The following PGPEP1L variants were observed in gnomAD, a reference collection of about 807,000 sequenced individuals.
PGPEP1L encodes pyroglutamyl-peptidase I like, also known as pyroglutamyl-peptidase 1-like protein.
PGPEP1L carries 7 observed loss-of-function variants against 6.0 expected under a neutral mutation model. The observed-to-expected ratio is 1.17, with a 90% CI of 0.66 to 2.19. PGPEP1L has a LOEUF of 2.19. Ranked by LOEUF, PGPEP1L falls within the 30% of genes most tolerant of loss-of-function variation. The pLI, the probability that PGPEP1L is intolerant of heterozygous loss-of-function variation, is 0.00. For missense variants in PGPEP1L, 209 were observed against 192.5 expected (o/e 1.09, Z -0.51); for synonymous variants, 103 against 83.9 (o/e 1.23, Z -1.24).
intron 2 of PGPEP1L, among the ~76,000 whole-genome samples, chr15:98,978,916 G>T (rs1417852897): frequency 6.6e-6 from 1 of 151,690 alleles, no homozygotes; most frequent in Admixed American, 6.6e-5. Flanking sequence ...TTTTAGTAGA[G>T]ATGGGGTTTT....
chr15:98,999,930 T>TG (rs1338512303), intron 2 of PGPEP1L, among the ~76,000 whole-genome samples: 1 of 152,260 alleles, frequency 6.6e-6, no homozygotes, highest in Non-Finnish European at 1.5e-5. Flanking sequence ...CTCCTGTGCC[T>TG]GGGCTCCCAC....
intron 2 of PGPEP1L, 38 bp from the exon 3 acceptor site, chr15:98,971,196 G>A (rs74852431): frequency 3.6e-6 from 1 of 277,544 alleles, no homozygotes; most frequent in Non-Finnish European, 4.8e-6. Context: ...TCAGTTGATG[G>A]GGGGGGGGGG....
chr15:98,972,769 G>A (rs558312542), intron 2 of PGPEP1L, among the ~76,000 whole-genome samples: 3 of 151,528 alleles, frequency 2.0e-5, no homozygotes, highest in Admixed American at 6.6e-5. Context: ...TACTCGGGAG[G>A]CTGAGGCAGG....
intron 2 of PGPEP1L, among the ~76,000 whole-genome samples, chr15:98,982,875 T>C (rs111547489): frequency 2.2e-4 from 34 of 151,980 alleles, no homozygotes; most frequent in African/African-American, 7.5e-4. Context: ...CACGCCCAGC[T>C]GATTTTTGTG....
At chr15:99,006,589 G>A (rs1158098245) in intron 1 of PGPEP1L, among the ~76,000 whole-genome samples, 2 of 152,230 alleles carry the variant, frequency 1.3e-5, no homozygotes, top group East Asian at 1.9e-4. Context: ...AGCATTTTGA[G>A]AGGCCAAGGT....
At chr15:98,981,845 T>TA (rs1490372754) in intron 2 of PGPEP1L, among the ~76,000 whole-genome samples, 2 of 152,124 alleles carry the variant, frequency 1.3e-5, no homozygotes, top group Admixed American at 1.3e-4. Flanking sequence ...TCTAAAAAAA[T>TA]AAACAGGGAA....
rs758229792 is a variant in PGPEP1L at position 98,968,472 on chromosome 15, C to G, written c.*6G>C. On this transcript the variant is annotated 3_prime_UTR_variant, in exon 5 of 5. Coordinates refer to ENST00000535714, the MANE Select transcript of PGPEP1L (RefSeq NM_001167902.2). ...TTCAATTTTCTCTAGAGGAGCAATC[C>G]CCCGGTCAGTTCCCTTTGGCTGGAA... is the stretch of plus-strand genomic sequence containing the variant. 1 of 1,611,188 alleles carries G rather than the reference C, an allele frequency of 6.2e-7. No homozygotes were observed. Among genetic ancestry groups the G allele is most frequent in the Admixed American group, 1.7e-5 (1 of 59,716 alleles).
At chr15:99,006,196 C>A (rs1441977278) in intron 1 of PGPEP1L, among the ~76,000 whole-genome samples, 1 of 152,198 alleles carries the variant, frequency 6.6e-6, no homozygotes, top group East Asian at 1.9e-4. Context: ...AGCACCGGAT[C>A]CTGTATGGAT....
intron 2 of PGPEP1L, among the ~76,000 whole-genome samples, chr15:98,992,151 G>A (rs1254246747): frequency 1.3e-5 from 2 of 152,192 alleles, no homozygotes; most frequent in Non-Finnish European, 2.9e-5. Context: ...AAGAGAAGAA[G>A]TCAAATTGTC....
At chr15:99,006,946 AC>A (rs2018077890) in intron 1 of PGPEP1L, among the ~76,000 whole-genome samples, 1 of 152,162 alleles carries the variant, frequency 6.6e-6, no homozygotes. Flanking sequence ...CCTCTCAAGC[AC>A]CCTGCGGCCT....
intron 2 of PGPEP1L, among the ~76,000 whole-genome samples, chr15:98,971,542 C>T (rs185036442): frequency 6.7e-4 from 102 of 152,116 alleles, no homozygotes; most frequent in Non-Finnish European, 1.3e-3. Flanking sequence ...GAAAAAAAAC[C>T]CACCAACAAC....
chr15:98,969,453 C>T lies in PGPEP1L; in HGVS notation c.181G>A (p.Asp61Asn), dbSNP rs577639159. Residue 61 changes from aspartate to asparagine, a missense_variant, in exon 4 of 5, where the codon GAC (aspartate) becomes AAC (asparagine). Coordinates refer to ENST00000535714, the MANE Select transcript of PGPEP1L (RefSeq NM_001167902.2). ...CCTGCATCTCGGGAAAAGATCACGT[C>T]GACACCCTCCACAGCTACGCGCTTG... is the stretch of plus-strand genomic sequence containing the variant. ...VCKRVAVEGVDVIFSRDAGRY... is the reference protein window; with the variant it reads ...VCKRVAVEGVNVIFSRDAGRY... 42 of 1,613,892 alleles carry T rather than the reference C, an allele frequency of 2.6e-5. No homozygotes were observed. Among genetic ancestry groups the T allele is most frequent in the African/African-American group, 6.7e-5 (5 of 74,924 alleles).
At position 98,984,078 on chromosome 15, in the gene PGPEP1L, G is replaced by A. The variant is rs115393899; in HGVS notation, c.-141-12920C>T. On this transcript the variant is annotated intron_variant, in intron 2 of 4. Coordinates refer to ENST00000535714, the MANE Select transcript of PGPEP1L (RefSeq NM_001167902.2). ...GTCGCCCAGGCTGGAGTGCAGTGGC[G>A]CAGCTCACTGCAAGATCTGCTTCCC... is the stretch of plus-strand genomic sequence containing the variant. Among the ~76,000 whole-genome samples the A allele has an allele frequency of 1.2e-3, 165 of 142,754 alleles. 1 individual carries two copies. Among genetic ancestry groups the A allele is most frequent in the African/African-American group, 4.2e-3 (155 of 37,052 alleles). 93.7% of individuals were successfully genotyped at this position (142,754 alleles called of 152,430 possible). A position where few individuals can be genotyped will look rare whatever the true frequency, so the allele number is the denominator to read the frequency against.
rs1004476804 is a variant in PGPEP1L at position 98,979,000 on chromosome 15, T to C, written c.-141-7842A>G. Among the ~76,000 whole-genome samples the C allele has an allele frequency of 9.9e-5, 15 of 151,150 alleles. 1 individual carries two copies. Among genetic ancestry groups the C allele is most frequent in the African/African-American group, 3.6e-4 (15 of 41,118 alleles). On this transcript the variant is annotated intron_variant, in intron 2 of 4. Coordinates refer to ENST00000535714, the MANE Select transcript of PGPEP1L (RefSeq NM_001167902.2). ...ACCTTGGCCTCCCAAACTGCCGGGA[T>C]TACAGGTGTGAGCCGCCGCGCCTGG...
At chr15:99,002,638 T>TATGA (rs112473136) in intron 2 of PGPEP1L, among the ~76,000 whole-genome samples, 21,444 of 151,950 alleles carry the variant, frequency 0.14, 2,087 homozygotes, top group African/African-American at 0.27. Flanking sequence ...GGCAAATTCC[T>TATGA]ATATTTATTT....
Position 98,997,931 on chromosome 15 carries a change from G to A in PGPEP1L, c.-142+7498C>T, listed in dbSNP as rs551591988. Among the ~76,000 whole-genome samples the A allele has an allele frequency of 2.6e-4, 39 of 152,258 alleles. No homozygotes were observed. The South Asian group carries it at 8.1e-3, about 32-fold the overall frequency. On this transcript the variant is annotated intron_variant, in intron 2 of 4. Transcript: ENST00000535714. ...TCAGAGGCAGGAGGGGCATGAGGCA[G>A]ACAAGTCACAACCCAAGTGCCAAAG...
chr15:99,000,911 C>G (rs2017958397), intron 2 of PGPEP1L, among the ~76,000 whole-genome samples: 1 of 152,178 alleles, frequency 6.6e-6, no homozygotes, highest in Admixed American at 6.5e-5. Flanking sequence ...CTTGCTGCTG[C>G]TCATTCTTTG....
At chr15:98,998,702 G>T (rs904524945) in intron 2 of PGPEP1L, among the ~76,000 whole-genome samples, 1 of 152,198 alleles carries the variant, frequency 6.6e-6, no homozygotes, top group Non-Finnish European at 1.5e-5. Context: ...AAGTAGCCTG[G>T]CATGGTGGCT....
chr15:99,000,724 C>T (rs183998375), intron 2 of PGPEP1L, among the ~76,000 whole-genome samples: 7 of 152,138 alleles, frequency 4.6e-5, no homozygotes, highest in Non-Finnish European at 8.8e-5. Context: ...ATAAACACAC[C>T]AATCAGCACC....
Sources: gnomAD v4.1 joint callset for allele counts (sites outside exome capture counted in the v4.1 genomes callset) on GRCh38, gnomAD v4.1.1 for gene constraint, MANE v1.5 for transcripts, NCBI Gene and HGNC (gene_info 2026-07-23, HGNC 2026-07-21) for gene names.